SULT4A1: variants seen among roughly 807,000 people sequenced by gnomAD.
SULT4A1 encodes sulfotransferase family 4A member 1.
Under a neutral mutation model 35.2 loss-of-function variants are expected in SULT4A1, and 11 were observed. That is an observed-to-expected ratio of 0.31 (90% CI 0.20 to 0.52). The LOEUF (loss-of-function observed/expected upper bound fraction) is 0.52, where lower values mean the gene tolerates loss of function less well. Among genes scored for constraint, SULT4A1 ranks in the 20% least tolerant of loss-of-function variants. The probability of loss-of-function intolerance (pLI) is 0.97; values close to 1 mark genes in which losing one functional copy is unlikely to be tolerated. For missense variants in SULT4A1, 271 were observed against 383.7 expected (o/e 0.71, Z 2.45); for synonymous variants, 152 against 151.8 (o/e 1.00, Z -0.01).
intron 5 of SULT4A1, among the ~76,000 whole-genome samples, chr22:43,831,619 C>T (rs897425027): frequency 2.0e-5 from 3 of 152,218 alleles, no homozygotes; most frequent in African/African-American, 7.2e-5. Context: ...AACGGAGCAC[C>T]GACCACAGCA....
chr22:43,857,788 G>A (rs138103), intron 1 of SULT4A1, among the ~76,000 whole-genome samples: 35,744 of 152,060 alleles, frequency 0.24, 4,413 homozygotes, highest in African/African-American at 0.32. Flanking sequence ...AGCAGCTCAC[G>A]CCTGTAATCT....
intron 5 of SULT4A1, among the ~76,000 whole-genome samples, chr22:43,830,075 G>C (rs1350635493): frequency 6.6e-6 from 1 of 152,248 alleles, no homozygotes; most frequent in East Asian, 1.9e-4. Context: ...GCTGACTCCT[G>C]CAGCAGCGGT....
At chr22:43,840,758 TTCCCAG>T (rs2063420365) in intron 2 of SULT4A1, among the ~76,000 whole-genome samples, 1 of 152,224 alleles carries the variant, frequency 6.6e-6, no homozygotes, top group African/African-American at 2.4e-5. Context: ...AGAGCCCGTC[TTCCCAG>T]CTGCCCTAGG....
Position 43,844,184 on chromosome 22 carries a change from C to A in SULT4A1, c.170-2252G>T, listed in dbSNP as rs563887936. ...TGAGGGCTTTTCTCCAACTGATACG[C>A]ACATGTAAGATATAATTCAATTAAA... On this transcript the variant is annotated intron_variant, in intron 1 of 6. Coordinates refer to ENST00000330884, the MANE Select transcript of SULT4A1 (RefSeq NM_014351.4). Among the ~76,000 whole-genome samples the A allele has an allele frequency of 2.6e-5, 4 of 152,254 alleles. No individual in the cohort carries two copies. In the East Asian group the frequency reaches 7.7e-4, roughly 29 times the overall value.
At chr22:43,860,250 C>T (rs1440860913) in intron 1 of SULT4A1, among the ~76,000 whole-genome samples, 1 of 152,192 alleles carries the variant, frequency 6.6e-6, no homozygotes, top group Non-Finnish European at 1.5e-5. Context: ...GTCCTGGCTA[C>T]TTGCCCCAAC....
intron 4 of SULT4A1, among the ~76,000 whole-genome samples, chr22:43,838,159 G>A (rs34648249): frequency 0.098 from 14,872 of 152,304 alleles, 785 homozygotes; most frequent in Admixed American, 0.11. Flanking sequence ...AGGGAAAGGT[G>A]GCCCAGCGGG....
rs759484986 is a variant in SULT4A1, at chr22:43,826,085, G to A, written c.771C>T (p.Phe257=). 4 of 1,614,100 alleles carry A rather than the reference G, an allele frequency of 2.5e-6. No individual in the cohort carries two copies. Among genetic ancestry groups the A allele is most frequent in the African/African-American group, 1.3e-5 (1 of 74,920 alleles). ...CAAACTTCTCATTCATGGAGACGGT[G>A]AAGATGTCCTTCCACAGCCCAACTC... The part of the protein sequence containing the change: ...RGRVGLWKDI[F]TVSMNEKFDL... The change falls in exon 7 of 7, where the codon TTC becomes TTT. Residue 257 remains phenylalanine (F), a synonymous_variant. Coordinates refer to ENST00000330884, the MANE Select transcript of SULT4A1 (RefSeq NM_014351.4).
At chr22:43,833,803 A>AC in intron 4 of SULT4A1, 69 bp from the exon 5 acceptor site, 1 of 1,335,116 alleles carries the variant, frequency 7.5e-7, no homozygotes, top group South Asian at 1.3e-5. Flanking sequence ...GGCCATCCCC[A>AC]CCCCACAGGG....
At chr22:43,832,790 G>A (rs2063334327) in intron 5 of SULT4A1, among the ~76,000 whole-genome samples, 1 of 152,126 alleles carries the variant, frequency 6.6e-6, no homozygotes, top group Non-Finnish European at 1.5e-5. Context: ...TACAAGGCTG[G>A]CCTTCCTACC....
chr22:43,857,339 C>T (rs2049412833), intron 1 of SULT4A1, among the ~76,000 whole-genome samples: 1 of 133,042 alleles, frequency 7.5e-6, no homozygotes, highest in Non-Finnish European at 1.5e-5. Context: ...GAATTCTAGG[C>T]CAGTCTGAGC....
intron 1 of SULT4A1, among the ~76,000 whole-genome samples, chr22:43,855,217 T>C (rs1002178480): frequency 2.0e-5 from 3 of 152,206 alleles, no homozygotes; most frequent in Non-Finnish European, 2.9e-5. Context: ...AGATGCCACC[T>C]GCAGAGTTGG....
chr22:43,826,326 A>T, intron 6 of SULT4A1: 1 of 985,342 alleles, frequency 1.0e-6, no homozygotes, highest in Non-Finnish European at 1.2e-6. Context: ...CATGACCTGA[A>T]CCAGCTTCCC....
In SULT4A1 at chr22:43,853,683, A is replaced by T. The variant is rs2049369218; in HGVS notation, c.169+8531T>A. On this transcript the variant is annotated intron_variant, in intron 1 of 6. Coordinates refer to ENST00000330884, the MANE Select transcript of SULT4A1 (RefSeq NM_014351.4). ...CTGCCAGTGACTCTGGGAGGCCTGAAAGTCACCGCTCCTCTGGGCCTCAGT... is the reference window on the plus strand; with the variant it reads ...CTGCCAGTGACTCTGGGAGGCCTGATAGTCACCGCTCCTCTGGGCCTCAGT... Among the ~76,000 whole-genome samples, 4 of 152,198 alleles carry T rather than the reference A, an allele frequency of 2.6e-5. 1 individual carries two copies. Among genetic ancestry groups the T allele is most frequent in the Admixed American group, 2.6e-4 (4 of 15,282 alleles).
intron 5 of SULT4A1, among the ~76,000 whole-genome samples, chr22:43,832,952 C>T (rs957173697): frequency 6.6e-6 from 1 of 152,148 alleles, no homozygotes; most frequent in African/African-American, 2.4e-5. Flanking sequence ...CTGACACTAG[C>T]AGCCCCACAG....
chr22:43,831,370 C>A (rs2148278331), intron 5 of SULT4A1, among the ~76,000 whole-genome samples: 1 of 151,332 alleles, frequency 6.6e-6, no homozygotes, highest in South Asian at 2.2e-4. Flanking sequence ...GCCTCAGTGG[C>A]CCTGGGCAGT....
chr22:43,829,949 A>C (rs977441991), intron 5 of SULT4A1, among the ~76,000 whole-genome samples: 1 of 152,226 alleles, frequency 6.6e-6, no homozygotes, highest in African/African-American at 2.4e-5. Flanking sequence ...CAGTGAAAAG[A>C]TGATTTAATT....
intron 4 of SULT4A1, among the ~76,000 whole-genome samples, chr22:43,834,415 G>C (rs1337103570): frequency 3.3e-4 from 12 of 36,660 alleles, no homozygotes; most frequent in African/African-American, 7.2e-4. Flanking sequence ...GCTTCCCGCA[G>C]CCACACCGCG....
chr22:43,858,066 AAGG>A lies in SULT4A1; in HGVS notation c.169+4145_169+4147del, dbSNP rs1402966978. On this transcript the variant is annotated intron_variant, in intron 1 of 6. Transcript: ENST00000330884. Reference sequence around the variant, plus strand: ...TCCTGTCTCAAAAAAAAAAAAAAAAAAGGAAAGAAAGAAAAAAAAAGAAAGAAA... The same window carrying A: ...TCCTGTCTCAAAAAAAAAAAAAAAAAAAAGAAAGAAAAAAAAAGAAAGAAA... 1.1e-4 allele frequency among the ~76,000 whole-genome samples: 17 copies of A among 149,826 alleles called. No homozygotes were observed. In the East Asian group the frequency reaches 2.7e-3, roughly 24 times the overall value.
intron 6 of SULT4A1, 77 bp from the exon 7 acceptor site, chr22:43,826,190 G>T: frequency 6.3e-7 from 1 of 1,590,986 alleles, no homozygotes; most frequent in South Asian, 1.2e-5. Flanking sequence ...CCTTGGAAAT[G>T]GATCTGGAAC....
Sources: allele counts gnomAD v4.1 joint callset (sites outside exome capture counted in the v4.1 genomes callset), GRCh38; gene constraint gnomAD v4.1.1; transcripts MANE v1.5; gene names NCBI Gene and HGNC (gene_info 2026-07-23, HGNC 2026-07-21).